SCHIP1: variants seen among roughly 807,000 people sequenced by gnomAD.
SCHIP1 encodes the protein schwannomin-interacting protein 1.
A neutral mutation model predicts 29.7 loss-of-function variants in SCHIP1; 8 were observed. The ratio of observed to expected loss-of-function variants is 0.27; its 90% CI spans 0.16 to 0.49. SCHIP1 has a LOEUF of 0.49. Ranked by LOEUF, SCHIP1 falls within the 20% of genes least tolerant of loss-of-function variation. The pLI is 0.99. For synonymous variants in SCHIP1, 76 were observed against 94.9 expected (o/e 0.80, Z 1.16); for missense variants, 193 against 294.6 (o/e 0.66, Z 2.52).
chr3:159,490,044 C>A, the SCHIP1 span, among the ~76,000 whole-genome samples: 4 of 152,084 alleles, frequency 2.6e-5, no homozygotes, highest in African/African-American at 7.2e-5. Context: ...TTGAGTTTTT[C>A]ACAATGAGAA....
the SCHIP1 span, among the ~76,000 whole-genome samples, chr3:159,637,166 A>C: frequency 2.6e-5 from 4 of 152,200 alleles, no homozygotes; most frequent in African/African-American, 9.7e-5. Flanking sequence ...ATTGTTCTTT[A>C]ATAAGATTCT....
At chr3:159,569,633 G>C in the SCHIP1 span, among the ~76,000 whole-genome samples, 22,038 of 152,074 alleles carry the variant, frequency 0.14, 1,943 homozygotes, top group African/African-American at 0.23. Context: ...AAACATACAG[G>C]TGCATGTGTC....
At chr3:159,668,369 T>C in the SCHIP1 span, among the ~76,000 whole-genome samples, 1 of 103,568 alleles carries the variant, frequency 9.7e-6, no homozygotes, top group Non-Finnish European at 1.6e-5. Flanking sequence ...AGAGCGAGAC[T>C]CCGTCTCAAA....
the SCHIP1 span, among the ~76,000 whole-genome samples, chr3:159,358,277 A>G: frequency 6.6e-6 from 1 of 152,180 alleles, no homozygotes; most frequent in East Asian, 1.9e-4. Context: ...ACCTACTGTA[A>G]TCATTCCCAA....
the SCHIP1 span, among the ~76,000 whole-genome samples, chr3:159,347,225 G>A: frequency 6.6e-6 from 1 of 152,302 alleles, no homozygotes. Flanking sequence ...AGAAAACAAG[G>A]TGCACCAAAG....
the SCHIP1 span, chr3:159,274,021 G>A: frequency 2.0e-6 from 3 of 1,481,926 alleles, no homozygotes; most frequent in East Asian, 2.5e-5. Context: ...TCAGAATTAA[G>A]CATTTAAGGT....
chr3:159,681,286 T>C, the SCHIP1 span, among the ~76,000 whole-genome samples: 4 of 146,876 alleles, frequency 2.7e-5, no homozygotes, highest in South Asian at 8.6e-4. Flanking sequence ...AGAGGAGAAA[T>C]GGGGAAAAAA....
the SCHIP1 span, among the ~76,000 whole-genome samples, chr3:159,730,927 CTACTACATGCT>C: frequency 6.6e-6 from 1 of 152,182 alleles, no homozygotes; most frequent in African/African-American, 2.4e-5. Flanking sequence ...ATTTCCCACT[CTACTACATGCT>C]TGTTCCATGC....
At chr3:159,336,536 G>T in the SCHIP1 span, among the ~76,000 whole-genome samples, 1 of 152,100 alleles carries the variant, frequency 6.6e-6, no homozygotes, top group African/African-American at 2.4e-5. Context: ...TGTAAGGAAG[G>T]GATCCAGTTT....
At chr3:159,452,095 C>T in the SCHIP1 span, among the ~76,000 whole-genome samples, 1 of 150,900 alleles carries the variant, frequency 6.6e-6, no homozygotes, top group Non-Finnish European at 1.5e-5. Context: ...TTTCACTTAG[C>T]TGTAACAATA....
chr3:159,357,746 G>A, the SCHIP1 span, among the ~76,000 whole-genome samples: 2 of 152,162 alleles, frequency 1.3e-5, no homozygotes, highest in Admixed American at 1.3e-4. Context: ...ATTGAAGCAA[G>A]AAACATTTAT....
chr3:159,509,827 T>G, the SCHIP1 span, among the ~76,000 whole-genome samples: 9 of 152,232 alleles, frequency 5.9e-5, no homozygotes, highest in Non-Finnish European at 1.3e-4. Context: ...GAGTTTCTGC[T>G]GAGAGATCCT....
At chr3:159,569,530 G>A in the SCHIP1 span, among the ~76,000 whole-genome samples, 1 of 152,130 alleles carries the variant, frequency 6.6e-6, no homozygotes, top group Non-Finnish European at 1.5e-5. Context: ...GTGTTCCATG[G>A]TGTATTATGT....
At chr3:159,280,408 T>G in the SCHIP1 span, among the ~76,000 whole-genome samples, 1 of 152,180 alleles carries the variant, frequency 6.6e-6, no homozygotes, top group Non-Finnish European at 1.5e-5. Flanking sequence ...CCTAGAACAC[T>G]TGGCCTTGTT....
At chr3:159,283,308 A>G in the SCHIP1 span, among the ~76,000 whole-genome samples, 1 of 152,134 alleles carries the variant, frequency 6.6e-6, no homozygotes, top group Non-Finnish European at 1.5e-5. Context: ...CCATGCCACC[A>G]TGCCCGGCTA....
chr3:159,320,165 T>C, the SCHIP1 span, among the ~76,000 whole-genome samples: 1 of 152,246 alleles, frequency 6.6e-6, no homozygotes, highest in African/African-American at 2.4e-5. Context: ...ACATAACTAA[T>C]TTACATTATA....
the SCHIP1 span, among the ~76,000 whole-genome samples, chr3:159,399,440 C>T: frequency 6.6e-6 from 1 of 152,108 alleles, no homozygotes; most frequent in Admixed American, 6.5e-5. Flanking sequence ...ACTGATGTAT[C>T]CCAAGTGCCC....
chr3:159,338,894 G>A, the SCHIP1 span, among the ~76,000 whole-genome samples: 1 of 152,082 alleles, frequency 6.6e-6, no homozygotes, highest in Admixed American at 6.6e-5. Context: ...AGTGAAAGAA[G>A]CTATGTCACT....
At chr3:159,396,140 A>C in the SCHIP1 span, among the ~76,000 whole-genome samples, 1 of 138,156 alleles carries the variant, frequency 7.2e-6, no homozygotes, top group African/African-American at 2.7e-5. Flanking sequence ...CTAGGATTCC[A>C]ACCCCTGCCT....
Sources: allele counts gnomAD v4.1 joint callset (sites outside exome capture counted in the v4.1 genomes callset), GRCh38; gene constraint gnomAD v4.1.1; transcripts MANE v1.5; gene names NCBI Gene and HGNC (gene_info 2026-07-23, HGNC 2026-07-21).